Variants in CASD1 observed in about 807,000 individuals in gnomAD.
The protein encoded by CASD1 is N-acetylneuraminate (7)9-O-acetyltransferase.
CASD1 carries 41 observed loss-of-function variants against 100.0 expected under a neutral mutation model. That is an observed-to-expected ratio of 0.41 (90% confidence interval 0.32 to 0.53). CASD1 has a LOEUF of 0.53. Ranked by LOEUF, CASD1 falls within the 20% of genes least tolerant of loss-of-function variation. The pLI is 0.25. For synonymous variants in CASD1, 321 were observed against 315.6 expected (o/e 1.02, Z -0.18); for missense variants, 774 against 948.7 (o/e 0.82, Z 2.42).
At chr7:94,578,490 G>T in the CASD1 span, among the ~76,000 whole-genome samples, 2 of 152,154 alleles carry the variant, frequency 1.3e-5, no homozygotes, top group Admixed American at 6.5e-5. Context: ...CATTCTGTTG[G>T]TCCTCCACTT....
At chr7:94,603,560 G>T in the CASD1 span, 1 of 1,009,912 alleles carries the variant, frequency 9.9e-7, no homozygotes, top group Non-Finnish European at 1.5e-6. Context: ...AGATTAACTA[G>T]ACTCATCCCT....
intron 8 of CASD1, among the ~76,000 whole-genome samples, chr7:94,536,012 G>A (rs904072084): frequency 1.3e-5 from 2 of 152,160 alleles, no homozygotes; most frequent in African/African-American, 4.8e-5. Context: ...GGAGGCCGAG[G>A]CAGGTAGATC....
At chr7:94,567,077 G>T in the CASD1 span, among the ~76,000 whole-genome samples, 1 of 151,438 alleles carries the variant, frequency 6.6e-6, no homozygotes, top group Admixed American at 6.6e-5. Context: ...CATTTATTCT[G>T]CTAACTGTGA....
At chr7:94,531,485 A>C (rs1794848799) in intron 5 of CASD1, among the ~76,000 whole-genome samples, 1 of 152,074 alleles carries the variant, frequency 6.6e-6, no homozygotes, top group Non-Finnish European at 1.5e-5. Context: ...GGCAGGAGAG[A>C]CTGTATATGG....
intron 13 of CASD1, among the ~76,000 whole-genome samples, chr7:94,548,137 G>A (rs1424861798): frequency 6.6e-6 from 1 of 151,762 alleles, no homozygotes; most frequent in Non-Finnish European, 1.5e-5. Context: ...ACACTCTGTG[G>A]ATACTGCTGA....
chr7:94,544,458 A>T lies in CASD1; in HGVS notation c.1404A>T (p.Leu468Phe), dbSNP rs752858911. 6.2e-7 allele frequency: 1 copy of T among 1,613,270 alleles called. No individual in the cohort carries two copies. Among genetic ancestry groups the T allele is most frequent in the Non-Finnish European group, 8.5e-7 (1 of 1,179,582 alleles). The change falls in exon 11 of 18, where the codon TTA (leucine) becomes TTT (phenylalanine). Residue 468 changes from leucine to phenylalanine, a missense_variant. By Grantham distance (22) the Leu-to-Phe change is conservative (BLOSUM62 0). Transcript: ENST00000297273. The stretch of plus-strand genomic sequence containing the variant: ...TTCGAGTTCTGGTTGCTGCATATTT[A>T]TTTCAGACAGGGTATGGGCATTTCT... ...MHIRVLVAAY[L>F]FQTGYGHFSY... is the part of the protein sequence containing the mutation.
At chr7:94,573,476 CT>C in the CASD1 span, among the ~76,000 whole-genome samples, 2 of 152,038 alleles carry the variant, frequency 1.3e-5, no homozygotes, top group African/African-American at 4.8e-5. Context: ...GTATTTTATC[CT>C]TTTTTCTGGC....
At chr7:94,583,131 G>A in the CASD1 span, among the ~76,000 whole-genome samples, 1 of 152,158 alleles carries the variant, frequency 6.6e-6, no homozygotes, top group African/African-American at 2.4e-5. Flanking sequence ...TGACCTTGAT[G>A]TTATTTTCTA....
chr7:94,610,614 T>A, the CASD1 span, among the ~76,000 whole-genome samples: 1 of 152,108 alleles, frequency 6.6e-6, no homozygotes, highest in African/African-American at 2.4e-5. Flanking sequence ...TCTTAAAATA[T>A]GACACTAAAA....
At chr7:94,618,076 C>A in the CASD1 span, 1 of 152,204 alleles carries the variant, frequency 6.6e-6, no homozygotes, top group African/African-American at 2.4e-5. Context: ...TTTACCCAGG[C>A]AGGATTCTTT....
the CASD1 span, among the ~76,000 whole-genome samples, chr7:94,571,681 T>C: frequency 6.6e-6 from 1 of 152,180 alleles, no homozygotes; most frequent in East Asian, 1.9e-4. Context: ...AGCAAGGTAT[T>C]GAAGATATGC....
chr7:94,512,562 C>A (rs954885443), intron 1 of CASD1, among the ~76,000 whole-genome samples: 42 of 152,256 alleles, frequency 2.8e-4, no homozygotes, highest in Non-Finnish European at 5.9e-5. Context: ...TAAAGCTTGG[C>A]GAATACTGTG....
At chr7:94,601,317 G>A in the CASD1 span, among the ~76,000 whole-genome samples, 20 of 151,200 alleles carry the variant, frequency 1.3e-4, no homozygotes, top group African/African-American at 4.4e-4. Context: ...AAAAAAAAAA[G>A]AGGGACAATT....
rs1458232690 is a variant in CASD1 at position 94,556,344 on chromosome 7, GT to G, written c.*590del. The G allele has an allele frequency of 6.6e-6, 1 of 152,010 alleles. No individual in the cohort carries two copies. The highest frequency in any genetic ancestry group is 1.5e-5 in the Non-Finnish European group (1 of 67,980). 9.4% of individuals were successfully genotyped at this position (152,010 alleles called of 1,614,324 possible). ...GAAATGATTTTTCTTCCTAACTGTG[GT>G]TTTCGGGTATGCAAGCCTAAATCTT... On this transcript the variant is annotated 3_prime_UTR_variant, in exon 18 of 18. Transcript: ENST00000297273.
chr7:94,542,554 A>T (rs559018177), intron 10 of CASD1, among the ~76,000 whole-genome samples: 36 of 152,310 alleles, frequency 2.4e-4, no homozygotes, highest in Non-Finnish European at 4.0e-4. Flanking sequence ...TTAAAAAATT[A>T]CTTATGGCTC....
At chr7:94,629,801 T>C in the CASD1 span, 2 of 1,611,028 alleles carry the variant, frequency 1.2e-6, no homozygotes, top group South Asian at 1.1e-5. Flanking sequence ...CTGATGGGTA[T>C]ACATTCCGAT....
chr7:94,524,802 G>T lies in CASD1; in HGVS notation c.352-2360G>T, dbSNP rs561999560. On this transcript the variant is annotated intron_variant, in intron 3 of 17. Transcript: ENST00000297273. ...ATAGTATTGATAAACTGACTGAGCTGTGCAAGTTTTTAAAGGCTAGGGAAT... is the reference window on the plus strand; with the variant it reads ...ATAGTATTGATAAACTGACTGAGCTTTGCAAGTTTTTAAAGGCTAGGGAAT... Among the ~76,000 whole-genome samples the T allele has an allele frequency of 1.3e-4, 20 of 152,186 alleles. 1 individual carries two copies. In the East Asian group the frequency reaches 2.9e-3, roughly 22 times the overall value.
chr7:94,621,898 C>G, the CASD1 span: 1 of 152,152 alleles, frequency 6.6e-6, no homozygotes, highest in African/African-American at 2.4e-5. Flanking sequence ...TCAGTCCAGG[C>G]CCACAGAACT....
the CASD1 span, among the ~76,000 whole-genome samples, chr7:94,604,517 C>T: frequency 6.6e-6 from 1 of 151,758 alleles, no homozygotes; most frequent in African/African-American, 2.4e-5. Flanking sequence ...AGCAAGTCAT[C>T]TGGTACGGGC....
Sources: allele counts gnomAD v4.1 joint callset (sites outside exome capture counted in the v4.1 genomes callset), GRCh38; gene constraint gnomAD v4.1.1; transcripts MANE v1.5; gene names NCBI Gene and HGNC (gene_info 2026-07-23, HGNC 2026-07-21).